CFAP210: variants seen among roughly 807,000 people sequenced by gnomAD.
CFAP210 encodes cilia- and flagella- associated protein 210.
the CFAP210 span, among the ~76,000 whole-genome samples, chr2:169,681,904 C>A: frequency 7.2e-5 from 11 of 152,140 alleles, no homozygotes; most frequent in African/African-American, 2.7e-4. Context: ...GCTATGACCA[C>A]AAGATAAACC....
chr2:169,679,932 T>C, the CFAP210 span, among the ~76,000 whole-genome samples: 1 of 152,066 alleles, frequency 6.6e-6, no homozygotes, highest in Non-Finnish European at 1.5e-5. Context: ...TCACTAAAAG[T>C]AAAAACTTTT....
At chr2:169,693,575 T>C in the CFAP210 span, among the ~76,000 whole-genome samples, 1 of 152,356 alleles carries the variant, frequency 6.6e-6, no homozygotes, top group South Asian at 2.1e-4. Flanking sequence ...GTTGTCACCA[T>C]GACAACATTA....
the CFAP210 span, among the ~76,000 whole-genome samples, chr2:169,684,079 G>A: frequency 6.6e-6 from 1 of 152,124 alleles, no homozygotes; most frequent in African/African-American, 2.4e-5. Flanking sequence ...CTACCCCACA[G>A]TAGCTCTCAT....
the CFAP210 span, among the ~76,000 whole-genome samples, chr2:169,680,632 A>G: frequency 5.3e-5 from 8 of 152,360 alleles, no homozygotes; most frequent in African/African-American, 1.7e-4. Context: ...ATGAATCTCA[A>G]AGTAATTGTG....
chr2:169,649,039 AT>A, the CFAP210 span: 3 of 635,100 alleles, frequency 4.7e-6, no homozygotes, highest in Non-Finnish European at 7.6e-6. Flanking sequence ...CAAACCTCAC[AT>A]TTTTAATACA....
chr2:169,668,462 C>T, the CFAP210 span, among the ~76,000 whole-genome samples: 3 of 152,210 alleles, frequency 2.0e-5, no homozygotes, highest in Non-Finnish European at 4.4e-5. Context: ...CCATTCACAG[C>T]TTGGCTGTTT....
the CFAP210 span, among the ~76,000 whole-genome samples, chr2:169,684,747 G>A: frequency 9.4e-3 from 1,425 of 152,154 alleles, 30 homozygotes; most frequent in African/African-American, 0.033. Context: ...TCCATCTCCC[G>A]GGTTCAAGCA....
chr2:169,649,239 T>G, the CFAP210 span: 3 of 1,613,930 alleles, frequency 1.9e-6, no homozygotes, highest in Non-Finnish European at 2.5e-6. Flanking sequence ...CTTTGCATTT[T>G]TTCTCCTTTT....
At chr2:169,656,317 A>G in the CFAP210 span, among the ~76,000 whole-genome samples, 1 of 151,676 alleles carries the variant, frequency 6.6e-6, no homozygotes, top group African/African-American at 2.4e-5. Context: ...AAGAAGAGGA[A>G]GAAGAAGAAG....
chr2:169,691,019 C>T, the CFAP210 span, among the ~76,000 whole-genome samples: 3 of 152,130 alleles, frequency 2.0e-5, no homozygotes, highest in East Asian at 1.9e-4. Context: ...TTCCAGAACT[C>T]GAGTTACATT....
At chr2:169,650,734 C>CTGTG in the CFAP210 span, among the ~76,000 whole-genome samples, 32,825 of 147,012 alleles carry the variant, frequency 0.22, 3,813 homozygotes, top group Admixed American at 0.31. Context: ...TATGTATAAT[C>CTGTG]TGTGTGTGTG....
chr2:169,666,548 T>C, the CFAP210 span, among the ~76,000 whole-genome samples: 2 of 151,428 alleles, frequency 1.3e-5, no homozygotes, highest in South Asian at 4.2e-4. Context: ...TTCACTAGAA[T>C]TCGAGCTTCT....
chr2:169,671,563 G>A, the CFAP210 span, among the ~76,000 whole-genome samples: 1 of 152,168 alleles, frequency 6.6e-6, no homozygotes, highest in East Asian at 1.9e-4. Context: ...TCGCCTCCCA[G>A]GTTCAAGCAA....
chr2:169,662,054 A>G, the CFAP210 span, among the ~76,000 whole-genome samples: 4 of 152,234 alleles, frequency 2.6e-5, no homozygotes, highest in African/African-American at 9.6e-5. Flanking sequence ...AATATATTGT[A>G]CATTTCAAAA....
chr2:169,662,246 G>A, the CFAP210 span: 10 of 1,583,626 alleles, frequency 6.3e-6, no homozygotes, highest in African/African-American at 1.4e-5. Context: ...ATTTGACTTT[G>A]AACCTTTTTG....
chr2:169,646,551 G>A, the CFAP210 span, among the ~76,000 whole-genome samples: 5 of 152,258 alleles, frequency 3.3e-5, no homozygotes, highest in African/African-American at 1.2e-4. Context: ...CCACTATTCT[G>A]GAGGAATTCA....
At chr2:169,677,456 C>T in the CFAP210 span, among the ~76,000 whole-genome samples, 2 of 152,022 alleles carry the variant, frequency 1.3e-5, no homozygotes, top group Admixed American at 1.3e-4. Context: ...AAAATAAGAA[C>T]CTCGTGATAA....
the CFAP210 span, among the ~76,000 whole-genome samples, chr2:169,660,593 T>C: frequency 9.5e-6 from 1 of 105,402 alleles, no homozygotes; most frequent in African/African-American, 3.7e-5. Context: ...TTATTTTATA[T>C]ATATATATAT....
At chr2:169,674,774 A>C in the CFAP210 span, 12 of 1,547,844 alleles carry the variant, frequency 7.8e-6, no homozygotes, top group South Asian at 1.5e-4. Context: ...TCCCGACTAC[A>C]AAAGAAAAAT....
Sources: gnomAD v4.1 joint callset for allele counts (sites outside exome capture counted in the v4.1 genomes callset) on GRCh38, gnomAD v4.1.1 for gene constraint, MANE v1.5 for transcripts, NCBI Gene and HGNC (gene_info 2026-07-23, HGNC 2026-07-21) for gene names.